The following PDE6A variants were observed in gnomAD, a reference collection of about 807,000 sequenced individuals.
The protein encoded by PDE6A is phosphodiesterase 6A.
PDE6A carries 84 observed loss-of-function variants against 106.3 expected under a neutral mutation model. The observed-to-expected ratio is 0.79, with a 90% CI of 0.66 to 0.95. PDE6A has a LOEUF of 0.95. Ranked by LOEUF, PDE6A falls within the 40% of genes least tolerant of loss-of-function variation. The probability of loss-of-function intolerance (pLI) is 0.00; values close to 1 mark genes in which losing one functional copy is unlikely to be tolerated. For missense variants in PDE6A, 1,052 were observed against 1,084.9 expected (o/e 0.97, Z 0.43); for synonymous variants, 394 against 386.6 (o/e 1.02, Z -0.23).
At chr5:149,920,988 A>AAGAAAG (rs1211980888) in intron 5 of PDE6A, among the ~76,000 whole-genome samples, 4 of 128,240 alleles carry the variant, frequency 3.1e-5, no homozygotes, top group Non-Finnish European at 4.6e-5. Context: ...GAAAGAAAGA[A>AAGAAAG]AGAAAGAAAA....
chr5:149,894,418 G>A (rs946241432), intron 13 of PDE6A, among the ~76,000 whole-genome samples: 11 of 152,060 alleles, frequency 7.2e-5, no homozygotes, highest in African/African-American at 2.7e-4. Flanking sequence ...GAGGCATCTC[G>A]AATGGTGAAT....
At chr5:149,911,250 G>T (rs1466060188) in intron 6 of PDE6A, among the ~76,000 whole-genome samples, 1 of 152,084 alleles carries the variant, frequency 6.6e-6, no homozygotes, top group Non-Finnish European at 1.5e-5. Flanking sequence ...CACAAAGGTA[G>T]CCTGAAATAG....
chr5:149,935,610 A>G (rs1267519420), intron 1 of PDE6A, among the ~76,000 whole-genome samples: 1 of 152,246 alleles, frequency 6.6e-6, no homozygotes, highest in Non-Finnish European at 1.5e-5. Flanking sequence ...ACACACCTCC[A>G]TAAACCTCCC....
intron 17 of PDE6A, among the ~76,000 whole-genome samples, chr5:149,882,714 C>T (rs962641013): frequency 1.3e-4 from 20 of 152,026 alleles, no homozygotes; most frequent in Admixed American, 7.9e-4. Flanking sequence ...TAAAGGAATA[C>T]GTTAAAAATT....
intron 1 of PDE6A, among the ~76,000 whole-genome samples, chr5:149,941,789 C>T (rs991390040): frequency 6.6e-6 from 1 of 152,228 alleles, no homozygotes; most frequent in African/African-American, 2.4e-5. Context: ...ACTCAAAAGA[C>T]AGCGCTACAT....
At chr5:149,890,371 A>G (rs1319333436) in intron 13 of PDE6A, among the ~76,000 whole-genome samples, 1 of 152,256 alleles carries the variant, frequency 6.6e-6, no homozygotes, top group African/African-American at 2.4e-5. Context: ...AAAGAGAGAC[A>G]TTAAACTAAT....
chr5:149,940,287 G>C (rs1306896809), intron 1 of PDE6A, among the ~76,000 whole-genome samples: 2 of 152,198 alleles, frequency 1.3e-5, no homozygotes, highest in Non-Finnish European at 2.9e-5. Flanking sequence ...TACAATTACA[G>C]TTAGAAGAGT....
At chr5:149,876,058 GCAAT>G in intron 17 of PDE6A, among the ~76,000 whole-genome samples, 1 of 151,966 alleles carries the variant, frequency 6.6e-6, no homozygotes. Flanking sequence ...ATAATTACTT[GCAAT>G]CAATTATATC....
intron 4 of PDE6A, among the ~76,000 whole-genome samples, chr5:149,924,570 T>C (rs1231383123): frequency 6.6e-6 from 1 of 152,104 alleles, no homozygotes; most frequent in African/African-American, 2.4e-5. Context: ...GATAAATCCA[T>C]ATGGACTACA....
chr5:149,918,016 G>A (rs1208230367), intron 5 of PDE6A, among the ~76,000 whole-genome samples: 1 of 152,150 alleles, frequency 6.6e-6, no homozygotes, highest in Non-Finnish European at 1.5e-5. Flanking sequence ...AAGGACAATG[G>A]GGGAGAAAGA....
chr5:149,881,233 A>G lies in PDE6A; in HGVS notation c.2135+2196T>C, dbSNP rs191523368. Among the ~76,000 whole-genome samples the G allele has an allele frequency of 3.5e-3, 534 of 152,344 alleles. 4 individuals carry two copies. The highest frequency in any genetic ancestry group is 0.012 in the African/African-American group (513 of 41,584). On this transcript the variant is annotated intron_variant, in intron 17 of 21. Coordinates refer to ENST00000255266, the MANE Select transcript of PDE6A (RefSeq NM_000440.3). ...AAGTAGAATTACCATTCGACCCAAC[A>G]TCTCATTACTGGGTGTGTATCCAAA...
At chr5:149,885,148 C>T (rs1752243447) in intron 14 of PDE6A, among the ~76,000 whole-genome samples, 1 of 152,228 alleles carries the variant, frequency 6.6e-6, no homozygotes, top group Non-Finnish European at 1.5e-5. Flanking sequence ...AAGGAAACAA[C>T]TGAATTTCCG....
rs201051081 is a variant in PDE6A at position 149,884,215 on chromosome 5, T to C, written c.2027+264A>G. ...AAAAAAAAAAATATATATATATATA[T>C]ACACACACACATATATATGTGTAGA... On this transcript the variant is annotated intron_variant, in intron 16 of 21. Transcript: ENST00000255266. Among the ~76,000 whole-genome samples, 558 of 146,436 alleles carry C rather than the reference T, an allele frequency of 3.8e-3. 7 individuals are homozygous for C. Among genetic ancestry groups the C allele is most frequent in the African/African-American group, 0.012 (471 of 39,996 alleles).
intron 17 of PDE6A, among the ~76,000 whole-genome samples, chr5:149,868,500 G>T (rs1183647807): frequency 6.6e-6 from 1 of 152,210 alleles, no homozygotes; most frequent in Non-Finnish European, 1.5e-5. Context: ...TCTGAACATG[G>T]TATATGCATA....
chr5:149,930,124 TA>T (rs1753988490), intron 4 of PDE6A, among the ~76,000 whole-genome samples: 1 of 152,176 alleles, frequency 6.6e-6, no homozygotes, highest in Non-Finnish European at 1.5e-5. Flanking sequence ...AAGATGTTTG[TA>T]AAACATTAAG....
At chr5:149,861,988 T>C (rs1350239415) in intron 21 of PDE6A, among the ~76,000 whole-genome samples, 1 of 152,166 alleles carries the variant, frequency 6.6e-6, no homozygotes, top group African/African-American at 2.4e-5. Context: ...GTGCAAAGCA[T>C]AAACTACAAA....
At chr5:149,932,144 T>C in intron 3 of PDE6A, 1 of 1,233,776 alleles carries the variant, frequency 8.1e-7, no homozygotes, top group Middle Eastern at 2.1e-4. Flanking sequence ...TGATTATCTG[T>C]CGTCTTAGTG....
chr5:149,867,239 G>A (rs563214263), intron 19 of PDE6A: 74 of 214,250 alleles, frequency 3.5e-4, no homozygotes, highest in African/African-American at 1.7e-3. Context: ...CCCCAACTGC[G>A]CATCTCCATG....
At chr5:149,914,655 C>CA (rs5872151) in intron 6 of PDE6A, among the ~76,000 whole-genome samples, 89,811 of 138,538 alleles carry the variant, frequency 0.65, 28,991 homozygotes, top group Non-Finnish European at 0.69. Context: ...ATCCTTACAC[C>CA]AAAAAAAAAA....
Sources: allele counts gnomAD v4.1 joint callset (sites outside exome capture counted in the v4.1 genomes callset), GRCh38; gene constraint gnomAD v4.1.1; transcripts MANE v1.5; gene names NCBI Gene and HGNC (gene_info 2026-07-23, HGNC 2026-07-21).